HSD17B12: variants seen among roughly 807,000 people sequenced by gnomAD.
HSD17B12 encodes the protein very-long-chain 3-oxoacyl-CoA reductase.
A neutral mutation model predicts 39.3 loss-of-function variants in HSD17B12; 32 were observed. That is an observed-to-expected ratio of 0.81 (90% CI 0.61 to 1.09). The LOEUF is 1.09. Among genes scored for constraint, HSD17B12 ranks in the 50% least tolerant of loss-of-function variants. The probability of loss-of-function intolerance (pLI) is 0.00; values close to 1 mark genes in which losing one functional copy is unlikely to be tolerated. For missense variants in HSD17B12, 342 were observed against 382.9 expected, an observed-to-expected ratio of 0.89 and a Z score of 0.89; for synonymous variants, 150 against 146.7, an observed-to-expected ratio of 1.02 and a Z score of -0.16.
At chr11:43,696,298 G>A (rs1164089739) in intron 1 of HSD17B12, among the ~76,000 whole-genome samples, 1 of 151,958 alleles carries the variant, frequency 6.6e-6, no homozygotes, top group Non-Finnish European at 1.5e-5. Flanking sequence ...TCTGATATCC[G>A]GAATCTACAA....
chr11:43,651,115 A>C, the HSD17B12 span, among the ~76,000 whole-genome samples: 1 of 152,248 alleles, frequency 6.6e-6, no homozygotes. Context: ...CATGAAAATA[A>C]AAAGTGGAAT....
chr11:43,613,325 G>A, the HSD17B12 span, among the ~76,000 whole-genome samples: 1 of 151,944 alleles, frequency 6.6e-6, no homozygotes, highest in Non-Finnish European at 1.5e-5. Flanking sequence ...CTAAAAGGCA[G>A]AGGTTGCAGT....
chr11:43,835,878 C>T (rs1840997768), intron 7 of HSD17B12, among the ~76,000 whole-genome samples: 1 of 152,122 alleles, frequency 6.6e-6, no homozygotes, highest in African/African-American at 2.4e-5. Flanking sequence ...ATGAATGTGA[C>T]ATTGGATAAT....
At chr11:43,762,495 A>G (rs924618047) in intron 3 of HSD17B12, among the ~76,000 whole-genome samples, 7 of 151,992 alleles carry the variant, frequency 4.6e-5, no homozygotes, top group African/African-American at 1.7e-4. Flanking sequence ...CTTCCTAAAG[A>G]CTCTATTTTC....
the HSD17B12 span, among the ~76,000 whole-genome samples, chr11:43,655,022 T>A: frequency 6.6e-6 from 1 of 152,248 alleles, no homozygotes; most frequent in Non-Finnish European, 1.5e-5. Flanking sequence ...CGATATTGAT[T>A]CTTCCTACCC....
intron 3 of HSD17B12, among the ~76,000 whole-genome samples, chr11:43,777,727 G>A (rs950134498): frequency 6.6e-6 from 1 of 152,182 alleles, no homozygotes; most frequent in Non-Finnish European, 1.5e-5. Flanking sequence ...CATTCAGTAT[G>A]ATATTGGCTG....
At chr11:43,818,876 CTT>C (rs1951154940) in intron 6 of HSD17B12, among the ~76,000 whole-genome samples, 1 of 152,124 alleles carries the variant, frequency 6.6e-6, no homozygotes, top group Non-Finnish European at 1.5e-5. Flanking sequence ...GGAACTATGA[CTT>C]TATTTTTTAG....
intron 6 of HSD17B12, among the ~76,000 whole-genome samples, chr11:43,821,332 G>A (rs1951180798): frequency 6.6e-6 from 1 of 152,086 alleles, no homozygotes; most frequent in African/African-American, 2.4e-5. Flanking sequence ...CCTGTTCCCT[G>A]CCTGCATACA....
chr11:43,735,154 T>C (rs1159693936), intron 1 of HSD17B12, among the ~76,000 whole-genome samples: 7 of 152,276 alleles, frequency 4.6e-5, no homozygotes, highest in Non-Finnish European at 8.8e-5. Context: ...TACTACACTT[T>C]GTTTATTCAG....
chr11:43,713,954 A>G (rs1025873353), intron 1 of HSD17B12, among the ~76,000 whole-genome samples: 1 of 152,012 alleles, frequency 6.6e-6, no homozygotes, highest in African/African-American at 2.4e-5. Context: ...CATATCCTTC[A>G]CCCACTTGTT....
At chr11:43,705,539 A>G (rs1950004702) in intron 1 of HSD17B12, among the ~76,000 whole-genome samples, 1 of 152,164 alleles carries the variant, frequency 6.6e-6, no homozygotes, top group Non-Finnish European at 1.5e-5. Context: ...CTATATGTGG[A>G]TACGTTACTG....
chr11:43,654,300 T>C, the HSD17B12 span, among the ~76,000 whole-genome samples: 35 of 152,330 alleles, frequency 2.3e-4, no homozygotes, highest in African/African-American at 7.9e-4. Flanking sequence ...TATTAGCCCT[T>C]TGTCAGATGA....
intron 3 of HSD17B12, among the ~76,000 whole-genome samples, chr11:43,757,656 A>AAC (rs1950520940): frequency 7.0e-6 from 1 of 142,568 alleles, no homozygotes; most frequent in East Asian, 2.1e-4. Flanking sequence ...AAAAAAAAAA[A>AAC]AAAAAAAAAA....
chr11:43,690,404 A>ATATTT (rs1554959942), intron 1 of HSD17B12, among the ~76,000 whole-genome samples: 2 of 24,960 alleles, frequency 8.0e-5, no homozygotes, highest in Non-Finnish European at 1.4e-4. Context: ...ATATATATAT[A>ATATTT]TTTTTTTTTT....
At chr11:43,558,590 T>C in the HSD17B12 span, among the ~76,000 whole-genome samples, 1 of 152,134 alleles carries the variant, frequency 6.6e-6, no homozygotes, top group Non-Finnish European at 1.5e-5. Flanking sequence ...CCCTCCTCCA[T>C]GGTCCTTAAA....
At chr11:43,827,694 C>T (rs1294705475) in intron 6 of HSD17B12, among the ~76,000 whole-genome samples, 1 of 152,204 alleles carries the variant, frequency 6.6e-6, no homozygotes, top group East Asian at 1.9e-4. Context: ...CCAGCCAATG[C>T]ATTTTTGCTG....
the HSD17B12 span, among the ~76,000 whole-genome samples, chr11:43,619,738 A>C: frequency 6.6e-6 from 1 of 152,160 alleles, no homozygotes; most frequent in Non-Finnish European, 1.5e-5. Flanking sequence ...ATGTATACTA[A>C]GAATGTCCAG....
chr11:43,844,703 GCTAAGA>G (rs1375001780), intron 9 of HSD17B12, among the ~76,000 whole-genome samples: 1 of 152,190 alleles, frequency 6.6e-6, no homozygotes, highest in African/African-American at 2.4e-5. Context: ...GCAGGAAGTA[GCTAAGA>G]CTAAGACTAA....
At chr11:43,725,084 A>T (rs562060329) in intron 1 of HSD17B12, among the ~76,000 whole-genome samples, 11 of 152,252 alleles carry the variant, frequency 7.2e-5, no homozygotes, top group African/African-American at 2.6e-4. Flanking sequence ...TGTGGAGCTT[A>T]TAGTTATTTT....
Sources: allele counts gnomAD v4.1 joint callset (sites outside exome capture counted in the v4.1 genomes callset), GRCh38; gene constraint gnomAD v4.1.1; transcripts MANE v1.5; gene names NCBI Gene and HGNC (gene_info 2026-07-23, HGNC 2026-07-21).